EYS: variants seen among roughly 807,000 people sequenced by gnomAD.
EYS encodes the protein protein eyes shut homolog.
In EYS, 250 loss-of-function variants were observed where a neutral mutation model predicts 282.1. The ratio of observed to expected loss-of-function variants is 0.89; its 90% confidence interval spans 0.80 to 0.98. The LOEUF is 0.98. EYS is among the 50% of genes least tolerant of loss of function. The pLI, the probability that EYS is intolerant of heterozygous loss-of-function variation, is 0.00. For synonymous variants in EYS, 1,355 were observed against 1,282.9 expected (o/e 1.06, Z -1.20); for missense variants, 4,016 against 3,709.0 (o/e 1.08, Z -2.15).
intron 7 of EYS, among the ~76,000 whole-genome samples, chr6:65,392,571 A>C (rs979387914): frequency 2.6e-5 from 4 of 152,224 alleles, no homozygotes; most frequent in African/African-American, 9.6e-5. Context: ...ACATGAAAAA[A>C]TGCTCACCAT....
chr6:64,064,574 C>T (rs1562181701), intron 33 of EYS, among the ~76,000 whole-genome samples: 1 of 152,062 alleles, frequency 6.6e-6, no homozygotes, highest in Non-Finnish European at 1.5e-5. Flanking sequence ...TAAAATTAAT[C>T]TAAACACTTG....
intron 26 of EYS, among the ~76,000 whole-genome samples, chr6:64,526,361 C>T (rs181585373): frequency 1.3e-3 from 194 of 151,866 alleles, no homozygotes; most frequent in Non-Finnish European, 2.2e-3. Flanking sequence ...TATGTTGAAT[C>T]TCTGTATCAT....
intron 13 of EYS, among the ~76,000 whole-genome samples, chr6:65,022,150 C>T (rs938838123): frequency 4.6e-5 from 7 of 152,184 alleles, no homozygotes; most frequent in Non-Finnish European, 7.4e-5. Flanking sequence ...CCATTAGCAT[C>T]CAGATTTTCT....
At chr6:64,507,570 C>G (rs1334671975) in intron 26 of EYS, among the ~76,000 whole-genome samples, 1 of 152,074 alleles carries the variant, frequency 6.6e-6, no homozygotes. Context: ...TAATAAGAGA[C>G]TGCATCATAT....
In EYS at chr6:64,199,926, G is replaced by A. The variant is rs561017109; in HGVS notation, c.6424+30666C>T. Among the ~76,000 whole-genome samples the A allele has an allele frequency of 9.8e-4, 149 of 152,190 alleles. 1 individual carries two copies. Among genetic ancestry groups the A allele is most frequent in the African/African-American group, 3.3e-3 (139 of 41,530 alleles). ...TAATTGCCCAAAACTCAAAGCAACCGAAGTGTCCCTTAGTAGGTGAATGGG... is the reference window on the plus strand; with the variant it reads ...TAATTGCCCAAAACTCAAAGCAACCAAAGTGTCCCTTAGTAGGTGAATGGG... On this transcript the variant is annotated intron_variant, in intron 31 of 42. Coordinates refer to ENST00000503581, the MANE Select transcript of EYS (RefSeq NM_001142800.2).
chr6:65,229,591 G>A (rs530143078), intron 12 of EYS, among the ~76,000 whole-genome samples: 2 of 152,048 alleles, frequency 1.3e-5, no homozygotes, highest in South Asian at 4.2e-4. Context: ...TAATGTAAGA[G>A]AAGACAAGAG....
At chr6:64,614,123 C>A (rs2149846691) in intron 24 of EYS, among the ~76,000 whole-genome samples, 1 of 152,198 alleles carries the variant, frequency 6.6e-6, no homozygotes, top group South Asian at 2.1e-4. Context: ...CAACAGGGAT[C>A]TTTTATAACA....
At chr6:64,721,028 A>G (rs1771561881) in intron 22 of EYS, among the ~76,000 whole-genome samples, 1 of 152,118 alleles carries the variant, frequency 6.6e-6, no homozygotes, top group South Asian at 2.1e-4. Flanking sequence ...CTCTAAGCCA[A>G]ATATTCCAAC....
intron 30 of EYS, among the ~76,000 whole-genome samples, chr6:64,236,171 C>T (rs894186246): frequency 1.1e-4 from 17 of 152,200 alleles, no homozygotes; most frequent in African/African-American, 4.1e-4. Flanking sequence ...GACGGGGTTT[C>T]ACCATGTTAG....
intron 22 of EYS, among the ~76,000 whole-genome samples, chr6:64,672,128 A>G (rs1487703265): frequency 6.6e-6 from 1 of 152,182 alleles, no homozygotes; most frequent in East Asian, 1.9e-4. Flanking sequence ...CTTTTCAAAT[A>G]TATATTTAGC....
At chr6:64,837,779 C>A (rs1054017477) in intron 19 of EYS, among the ~76,000 whole-genome samples, 1 of 149,950 alleles carries the variant, frequency 6.7e-6, no homozygotes, top group Non-Finnish European at 1.5e-5. Context: ...AATCAACTTA[C>A]CAAAAATCAG....
At chr6:64,488,969 A>G (rs1005859940) in intron 26 of EYS, among the ~76,000 whole-genome samples, 1 of 150,960 alleles carries the variant, frequency 6.6e-6, no homozygotes, top group African/African-American at 2.4e-5. Flanking sequence ...ATCTATTTCT[A>G]TATGATCTGA....
intron 15 of EYS, among the ~76,000 whole-genome samples, chr6:64,915,221 C>T (rs1203339320): frequency 1.3e-5 from 2 of 152,032 alleles, no homozygotes; most frequent in African/African-American, 4.8e-5. Flanking sequence ...CAAATTATTT[C>T]ACTTTGCTCT....
intron 1 of EYS, among the ~76,000 whole-genome samples, chr6:65,644,155 T>C (rs1767376018): frequency 6.6e-6 from 1 of 152,002 alleles, no homozygotes; most frequent in African/African-American, 2.4e-5. Context: ...GAAATCCAAC[T>C]TGAAATCAAA....
chr6:63,827,320 A>G (rs1205252925), intron 36 of EYS, among the ~76,000 whole-genome samples: 2 of 152,206 alleles, frequency 1.3e-5, no homozygotes, highest in African/African-American at 4.8e-5. Flanking sequence ...CAACACAATA[A>G]TAGTGGGGGA....
chr6:65,056,467 C>A (rs1773418987), intron 13 of EYS, among the ~76,000 whole-genome samples: 1 of 151,950 alleles, frequency 6.6e-6, no homozygotes, highest in Non-Finnish European at 1.5e-5. Context: ...TGGCATGCAC[C>A]TGTAGTCCTA....
chr6:63,721,885 TTTAG>T, intron 42 of EYS, 88 bp from the exon 43 acceptor site: 1 of 1,265,082 alleles, frequency 7.9e-7, no homozygotes, highest in Non-Finnish European at 1.1e-6. Flanking sequence ...TTGGATAAGT[TTTAG>T]TTATGGGGAA....
chr6:64,922,451 T>G (rs560940761), intron 15 of EYS, among the ~76,000 whole-genome samples: 4 of 152,234 alleles, frequency 2.6e-5, no homozygotes, highest in Non-Finnish European at 4.4e-5. Context: ...AGACATCTTA[T>G]ATAAGTATTA....
chr6:65,633,661 G>T (rs1233072576), intron 2 of EYS, among the ~76,000 whole-genome samples: 1 of 152,158 alleles, frequency 6.6e-6, no homozygotes, highest in Non-Finnish European at 1.5e-5. Flanking sequence ...TAGCTGCCTA[G>T]AATACATCTA....
Sources: gnomAD v4.1 joint callset for allele counts (sites outside exome capture counted in the v4.1 genomes callset) on GRCh38, gnomAD v4.1.1 for gene constraint, MANE v1.5 for transcripts, NCBI Gene and HGNC (gene_info 2026-07-23, HGNC 2026-07-21) for gene names.